Variants in NRP2 observed in about 807,000 individuals in gnomAD.
NRP2 encodes neuropilin-2.
NRP2 carries 52 observed loss-of-function variants against 110.4 expected under a neutral mutation model. The observed-to-expected ratio is 0.47, with a 90% confidence interval of 0.38 to 0.59. NRP2 has a LOEUF of 0.59. NRP2 is among the 20% of genes least tolerant of loss of function. The pLI is 0.00. For missense variants in NRP2, 1,049 were observed against 1,203.0 expected (o/e 0.87, Z 1.89); for synonymous variants, 508 against 468.9 (o/e 1.08, Z -1.08).
chr2:205,715,734 A>G (rs6745275), intron 2 of NRP2, among the ~76,000 whole-genome samples: 1 of 152,108 alleles, frequency 6.6e-6, no homozygotes, highest in East Asian at 1.9e-4. Context: ...ATTTTTTTTC[A>G]TTCTATCTTC....
intron 15 of NRP2, among the ~76,000 whole-genome samples, chr2:205,788,567 A>G (rs1326409083): frequency 6.6e-6 from 1 of 152,194 alleles, no homozygotes; most frequent in Non-Finnish European, 1.5e-5. Context: ...GTTTGAAAGC[A>G]TTTCTATCAA....
rs1428835785 is a variant in NRP2 at position 205,758,100 on chromosome 2, G to A, written c.2044+5125G>A. The stretch of plus-strand genomic sequence containing the variant: ...CACAAAATGGTCTATTGTAAACCTT[G>A]AGAACATCTTGCTAAGTTTATCCAA... On this transcript the variant is annotated intron_variant, in intron 12 of 16. Coordinates refer to ENST00000357785, the MANE Select transcript of NRP2 (RefSeq NM_003872.3). Among the ~76,000 whole-genome samples the A allele has an allele frequency of 2.0e-5, 3 of 152,304 alleles. 1 individual carries two copies. Among genetic ancestry groups the A allele is most frequent in the African/African-American group, 7.2e-5 (3 of 41,574 alleles).
chr2:205,790,897 G>A lies in NRP2; in HGVS notation c.2426-1338G>A, dbSNP rs374842593. On this transcript the variant is annotated intron_variant, in intron 15 of 16. Transcript: ENST00000357785. ...GCAAGGAATGGGCTGGAGTTATGGAGGATTAGTGCCATGTGGCATCAATCT... is the reference window on the plus strand; with the variant it reads ...GCAAGGAATGGGCTGGAGTTATGGAAGATTAGTGCCATGTGGCATCAATCT... Among the ~76,000 whole-genome samples, 5 of 152,208 alleles carry A rather than the reference G, an allele frequency of 3.3e-5. No individual in the cohort carries two copies. The East Asian group carries it at 5.8e-4, about 18-fold the overall frequency.
chr2:205,683,066 C>T lies in NRP2; in HGVS notation c.-225C>T. The T allele has an allele frequency of 1.7e-6, 1 of 571,766 alleles. No homozygotes were observed. Among genetic ancestry groups the T allele is most frequent in the African/African-American group, 1.9e-5 (1 of 53,276 alleles). 35.4% of individuals were successfully genotyped at this position (571,766 alleles called of 1,614,324 possible). A position where few individuals can be genotyped will look rare whatever the true frequency, so the allele number is the denominator to read the frequency against. Reference sequence around the variant, plus strand: ...GAGGAAAACCGTGTTCTCTTCCCGGCTTGTTCCCTCTTTGCTGATTTCAGG... The same window carrying T: ...GAGGAAAACCGTGTTCTCTTCCCGGTTTGTTCCCTCTTTGCTGATTTCAGG... On this transcript the variant is annotated 5_prime_UTR_variant, in exon 1 of 17. Transcript: ENST00000357785.
In NRP2 at chr2:205,795,208, C is replaced by T. The variant is rs978728508; in HGVS notation, c.*150C>T. On this transcript the variant is annotated 3_prime_UTR_variant, in exon 17 of 17. Transcript: ENST00000357785. ...GTATGGACAGGACAGAAAAGCGAGTCGCAGGAGGAAGGGAGATGCAGCCGC... is the reference window on the plus strand; with the variant it reads ...GTATGGACAGGACAGAAAAGCGAGTTGCAGGAGGAAGGGAGATGCAGCCGC... 24 of 860,126 alleles carry T rather than the reference C, an allele frequency of 2.8e-5. No homozygotes were observed. Among genetic ancestry groups the T allele is most frequent in the East Asian group, 5.3e-5 (2 of 37,622 alleles). 53.3% of individuals were successfully genotyped at this position (860,126 alleles called of 1,614,324 possible).
intron 15 of NRP2, among the ~76,000 whole-genome samples, chr2:205,781,817 G>A (rs1169306974): frequency 6.6e-6 from 1 of 152,184 alleles, no homozygotes; most frequent in Non-Finnish European, 1.5e-5. Context: ...ACAATCAGCA[G>A]GGAAAAGAAT....
chr2:205,733,305 G>T (rs796566802), intron 7 of NRP2, among the ~76,000 whole-genome samples: 3 of 152,278 alleles, frequency 2.0e-5, no homozygotes, highest in African/African-American at 7.2e-5. Flanking sequence ...GGCGCTGATA[G>T]CCTTGATGTT....
At chr2:205,792,313 A>G in intron 16 of NRP2, 28 bp downstream of exon 16, 1 of 1,576,448 alleles carries the variant, frequency 6.3e-7, no homozygotes, top group Non-Finnish European at 8.7e-7. Flanking sequence ...TTAGCAGGTA[A>G]TCGTAAAATT....
At chr2:205,775,235 C>A (rs928575554) in intron 15 of NRP2, among the ~76,000 whole-genome samples, 2 of 152,232 alleles carry the variant, frequency 1.3e-5, no homozygotes, top group African/African-American at 2.4e-5. Flanking sequence ...AGATTCTCAT[C>A]TGATGTAAAT....
At chr2:205,746,194 G>A (rs568167351) in intron 10 of NRP2, among the ~76,000 whole-genome samples, 5 of 152,258 alleles carry the variant, frequency 3.3e-5, no homozygotes, top group Admixed American at 6.5e-5. Flanking sequence ...GGCTCTTCAG[G>A]CCAGAGGGCT....
intron 15 of NRP2, chr2:205,779,006 A>G (rs983335899): frequency 4.6e-5 from 7 of 152,266 alleles, no homozygotes; most frequent in Admixed American, 4.6e-4. Context: ...AGCTTCAAAA[A>G]GCAAAATTCT....
chr2:205,752,483 C>G (rs191406828), intron 11 of NRP2: 1 of 341,544 alleles, frequency 2.9e-6, no homozygotes, highest in Admixed American at 4.3e-5. Context: ...CACCAGGGCA[C>G]TGGGGAGACA....
In NRP2 at chr2:205,763,900, G is replaced by A. The variant is rs1475713307; in HGVS notation, c.2271G>A (p.Gly757=). The A allele has an allele frequency of 1.2e-6, 2 of 1,614,080 alleles. No individual in the cohort carries two copies. The highest frequency in any genetic ancestry group is 2.2e-5 in the East Asian group (1 of 44,872). ...ACCAGGGCGGCGAGTGGAAGCACGG[G>A]CGGATCATCCTGCCCAGCTACGACA... The part of the protein sequence containing the change: ...REDQGGEWKH[G]RIILPSYDME... Residue 757 remains glycine, a synonymous_variant, in exon 13 of 17, where the codon GGG becomes GGA. Transcript: ENST00000357785. This position sits in a 1 kb window ranked among gnomAD's most constrained non-coding sequence, Gnocchi z 4.0.
intron 12 of NRP2, chr2:205,756,544 G>C (rs566479288): frequency 1.3e-5 from 2 of 152,294 alleles, no homozygotes; most frequent in African/African-American, 4.8e-5. Flanking sequence ...CGGTTCTGCT[G>C]TCCCACCAGC....
rs763704799 is a variant in NRP2 at position 205,749,708 on chromosome 2, C to T, written c.1787-17C>T. 1.2e-6 allele frequency: 2 copies of T among 1,604,166 alleles called. No homozygotes were observed. The highest frequency in any genetic ancestry group is 1.1e-5 in the South Asian group (1 of 90,846). ...GGCTGCTACAGCATTCTCTTATCTTCCTTTGCCCTTACACAGACTCCAAGC... is the reference window on the plus strand; with the variant it reads ...GGCTGCTACAGCATTCTCTTATCTTTCTTTGCCCTTACACAGACTCCAAGC... On this transcript the variant is annotated splice_polypyrimidine_tract_variant and intron_variant, in intron 10 of 16. Transcript: ENST00000357785.
intron 7 of NRP2, among the ~76,000 whole-genome samples, chr2:205,732,537 A>G (rs2057259999): frequency 1.3e-5 from 2 of 152,218 alleles, no homozygotes; most frequent in Non-Finnish European, 2.9e-5. Context: ...ACCCAGTCCA[A>G]ATGGAATGGC....
rs1448633525 is a variant in NRP2, at chr2:205,726,025, C to T, written c.933C>T (p.Leu311=). 1.2e-6 allele frequency: 2 copies of T among 1,614,198 alleles called. No individual in the cohort carries two copies. The highest frequency in any genetic ancestry group is 4.5e-5 in the East Asian group (2 of 44,876). Residue 311 remains leucine (L), a synonymous_variant, in exon 6 of 17, where the codon CTC becomes CTT. Coordinates refer to ENST00000357785, the MANE Select transcript of NRP2 (RefSeq NM_003872.3). ...DGRWTPQQSR[L]HGDDNGWTPN... Reference sequence around the variant, plus strand: ...GGTGGACCCCTCAACAAAGCCGGCTCCATGGTGATGACAATGGCTGGACCC... The same window carrying T: ...GGTGGACCCCTCAACAAAGCCGGCTTCATGGTGATGACAATGGCTGGACCC...
chr2:205,784,001 G>GGCACACACACACACACACACAC (rs2058207299), intron 15 of NRP2, among the ~76,000 whole-genome samples: 1 of 148,652 alleles, frequency 6.7e-6, no homozygotes, highest in Non-Finnish European at 1.5e-5. Flanking sequence ...ATCTCTCTCT[G>GGCACACACACACACACACACAC]ACACACACAC....
intron 2 of NRP2, chr2:205,700,949 C>T (rs1000770417): frequency 3.7e-5 from 12 of 320,264 alleles, no homozygotes; most frequent in African/African-American, 1.5e-4. Flanking sequence ...GACTACGGGC[C>T]GTCTGGGCAA....
Sources: allele counts gnomAD v4.1 joint callset (sites outside exome capture counted in the v4.1 genomes callset), GRCh38; gene constraint gnomAD v4.1.1; non-coding constraint Gnocchi (gnomAD v3.1); transcripts MANE v1.5; gene names NCBI Gene and HGNC (gene_info 2026-07-23, HGNC 2026-07-21).